RNF111: variants seen among roughly 807,000 people sequenced by gnomAD.
The protein encoded by RNF111 is E3 ubiquitin-protein ligase Arkadia.
Under a neutral mutation model 95.1 loss-of-function variants are expected in RNF111, and 17 were observed. The ratio of observed to expected loss-of-function variants is 0.18; its 90% CI spans 0.12 to 0.27. The LOEUF (loss-of-function observed/expected upper bound fraction) is 0.27, where lower values mean the gene tolerates loss of function less well. Ranked by LOEUF, RNF111 falls within the 10% of genes least tolerant of loss-of-function variation. RNF111 has a pLI of 1.00. For missense variants in RNF111, 1,189 were observed against 1,210.4 expected (o/e 0.98, Z 0.26); for synonymous variants, 440 against 414.8 (o/e 1.06, Z -0.74).
chr15:58,995,179 T>C (rs764172336), intron 1 of RNF111, among the ~76,000 whole-genome samples: 3 of 152,200 alleles, frequency 2.0e-5, no homozygotes, highest in Non-Finnish European at 4.4e-5. Flanking sequence ...CCAAGGCCCA[T>C]GTAGCATCCA....
intron 1 of RNF111, among the ~76,000 whole-genome samples, chr15:59,008,365 G>T (rs149402714): frequency 5.3e-5 from 8 of 151,872 alleles, no homozygotes; most frequent in Non-Finnish European, 1.2e-4. Context: ...CTGCAAGGAC[G>T]CACCACCATG....
rs2040871120 is a variant in RNF111 at position 59,030,890 on chromosome 15, C to T, written c.68C>T (p.Pro23Leu). 6.2e-7 allele frequency: 1 copy of T among 1,614,016 alleles called. No individual in the cohort carries two copies. The change falls in exon 2 of 14, where the codon CCT (proline) becomes CTT (leucine). Residue 23 changes from proline to leucine, a missense_variant. Pro to Leu is a moderately conservative substitution (Grantham distance 98). This residue lies in a region of RNF111 where 1,024 missense variants were observed against 925.9 expected (regional missense o/e 1.11). Transcript: ENST00000348370. ...AAAGTGGATATGAAGAGTGAGATTC[C>T]TTCTGATGCACCAAAGACACAGGAG... ...TLKVDMKSEIPSDAPKTQESL... is the reference protein window; with the variant it reads ...TLKVDMKSEILSDAPKTQESL...
At chr15:59,049,485 G>A in intron 2 of RNF111, 1 of 207,376 alleles carries the variant, frequency 4.8e-6, no homozygotes, top group Non-Finnish European at 1.0e-5. Flanking sequence ...GGTGGAGAAT[G>A]CTGGTGCTTC....
At chr15:59,066,351 C>T (rs1488575615) in intron 5 of RNF111, among the ~76,000 whole-genome samples, 1 of 152,192 alleles carries the variant, frequency 6.6e-6, no homozygotes, top group Non-Finnish European at 1.5e-5. Flanking sequence ...TGGCTCACGC[C>T]TGTAATCCCA....
intron 1 of RNF111, among the ~76,000 whole-genome samples, chr15:59,029,936 T>A (rs2040823847): frequency 6.6e-6 from 1 of 152,208 alleles, no homozygotes. Context: ...CTAGTAAAGC[T>A]CTTCATTTGT....
chr15:59,016,362 G>A (rs1350478277), intron 1 of RNF111, among the ~76,000 whole-genome samples: 1 of 151,820 alleles, frequency 6.6e-6, no homozygotes, highest in East Asian at 1.9e-4. Flanking sequence ...TAGAGATGGG[G>A]TTTCACCATG....
chr15:59,031,595 A>C lies in RNF111; in HGVS notation c.773A>C (p.Glu258Ala). 6.2e-7 allele frequency: 1 copy of C among 1,614,242 alleles called. No homozygotes were observed. The highest frequency in any genetic ancestry group is 1.1e-5 in the South Asian group (1 of 91,090). ...ALLPSSSSSS[E>A]NDLSSESSSS... is the part of the protein sequence containing the mutation. ...CTACCTAGTTCTAGTAGTTCCAGTGAGAATGACCTCAGCAGTGAATCCTCT... is the reference window on the plus strand; with the variant it reads ...CTACCTAGTTCTAGTAGTTCCAGTGCGAATGACCTCAGCAGTGAATCCTCT... Residue 258 changes from glutamate (E) to alanine (A), a missense_variant, in exon 2 of 14, where the codon GAG (glutamate) becomes GCG (alanine). Glu to Ala is a moderately radical substitution (Grantham distance 107). This residue lies in a region of RNF111 where 1,024 missense variants were observed against 925.9 expected (regional missense o/e 1.11). Transcript: ENST00000348370.
intron 6 of RNF111, among the ~76,000 whole-genome samples, chr15:59,067,529 A>G (rs1315649781): frequency 2.0e-5 from 3 of 152,172 alleles, no homozygotes; most frequent in African/African-American, 7.2e-5. Context: ...CTTACACTCG[A>G]AAATGGCCTA....
At chr15:58,996,748 T>G (rs1282709734) in intron 1 of RNF111, among the ~76,000 whole-genome samples, 1 of 151,344 alleles carries the variant, frequency 6.6e-6, no homozygotes, top group Non-Finnish European at 1.5e-5. Flanking sequence ...GGATATTTGC[T>G]TTATTTACTT....
intron 13 of RNF111, among the ~76,000 whole-genome samples, chr15:59,093,651 T>A (rs2079119657): frequency 6.6e-6 from 1 of 152,174 alleles, no homozygotes; most frequent in African/African-American, 2.4e-5. Flanking sequence ...GTATAATCAC[T>A]TAAGTAATTG....
At chr15:59,060,290 G>A (rs1157365686) in intron 5 of RNF111, among the ~76,000 whole-genome samples, 2 of 151,334 alleles carry the variant, frequency 1.3e-5, no homozygotes, top group Admixed American at 6.6e-5. Flanking sequence ...ATATGTTATT[G>A]TATATATTTT....
intron 6 of RNF111, 91 bp downstream of exon 6, chr15:59,067,174 AT>A: frequency 9.4e-7 from 1 of 1,063,738 alleles, no homozygotes; most frequent in Non-Finnish European, 1.4e-6. Flanking sequence ...CTCTTCCTTC[AT>A]TCCTGTCTCT....
At chr15:58,990,711 C>A (rs1328826054) in intron 1 of RNF111, among the ~76,000 whole-genome samples, 1 of 152,076 alleles carries the variant, frequency 6.6e-6, no homozygotes, top group Non-Finnish European at 1.5e-5. Flanking sequence ...CTATTGTTGT[C>A]CCATTGTAGA....
At chr15:59,076,558 G>A (rs542687287) in intron 7 of RNF111, among the ~76,000 whole-genome samples, 52 of 152,264 alleles carry the variant, frequency 3.4e-4, no homozygotes, top group African/African-American at 1.2e-3. Context: ...ATTTGATGCA[G>A]GCAATTAAAA....
At chr15:59,061,782 A>G (rs894530358) in intron 5 of RNF111, among the ~76,000 whole-genome samples, 2 of 152,116 alleles carry the variant, frequency 1.3e-5, no homozygotes, top group Admixed American at 1.3e-4. Flanking sequence ...GCACATGTAC[A>G]CTTGTTTTTG....
chr15:59,058,482 A>C lies in RNF111; in HGVS notation c.1298A>C (p.Gln433Pro), dbSNP rs1319854476. The C allele has an allele frequency of 6.2e-7, 1 of 1,614,004 alleles. No homozygotes were observed. Among genetic ancestry groups the C allele is most frequent in the African/African-American group, 1.3e-5 (1 of 74,922 alleles). ...SDTASAVTSS[Q>P]PSTVSETSAT... The stretch of plus-strand genomic sequence containing the variant: ...ACTGCTTCAGCTGTCACCAGTAGCC[A>C]ACCTTCCACAGTGTCAGAGACTTCA... The change falls in exon 5 of 14, where the codon CAA (glutamine) becomes CCA (proline). Residue 433 changes from glutamine to proline, a missense_variant. Transcript: ENST00000348370.
chr15:59,031,775 T>C, intron 2 of RNF111, 73 bp downstream of exon 2: 1 of 1,341,844 alleles, frequency 7.5e-7, no homozygotes, highest in Non-Finnish European at 1.0e-6. Flanking sequence ...TGTTTGTGTC[T>C]TACTGATTTT....
Position 59,012,003 on chromosome 15 carries a change from CTTTTTTTTTTTTTTT to C in RNF111, c.-19-18786_-19-18772del, listed in dbSNP as rs71425836. On this transcript the variant is annotated intron_variant, in intron 1 of 13. Coordinates refer to ENST00000348370, the MANE Select transcript of RNF111 (RefSeq NM_017610.8). The stretch of plus-strand genomic sequence containing the variant: ...TTAGTGTTCTTTTTTGTTTGTTTGC[CTTTTTTTTTTTTTTT>C]TTTTTTTTTTTTTTGAGATGGAGTC... Among the ~76,000 whole-genome samples the C allele has an allele frequency of 1.5e-4, 6 of 40,452 alleles. No homozygotes were observed. The East Asian group carries it at 3.0e-3, about 20-fold the overall frequency. The allele number at this position is 40,452 out of a possible 152,430, so 26.5% of individuals were successfully genotyped here.
chr15:59,008,498 C>T (rs530795605), intron 1 of RNF111, among the ~76,000 whole-genome samples: 2 of 152,332 alleles, frequency 1.3e-5, no homozygotes, highest in Admixed American at 6.5e-5. Flanking sequence ...TATTTACAGG[C>T]GTGAGCCACC....
Sources: gnomAD v4.1 joint callset for allele counts (sites outside exome capture counted in the v4.1 genomes callset) on GRCh38, gnomAD v4.1.1 for gene constraint, gnomAD v4.1.1 regional missense constraint, MANE v1.5 for transcripts, NCBI Gene and HGNC (gene_info 2026-07-23, HGNC 2026-07-21) for gene names.